Variants in EDA observed in about 807,000 individuals in gnomAD.
EDA encodes ectodysplasin A.
Under a neutral mutation model 23.6 loss-of-function variants are expected in EDA, and 2 were observed. The ratio of observed to expected loss-of-function variants is 0.08; its 90% CI spans 0.03 to 0.27. The LOEUF is 0.27. EDA is among the 10% of genes least tolerant of loss of function. The probability of loss-of-function intolerance (pLI) is 1.00; values close to 1 mark genes in which losing one functional copy is unlikely to be tolerated. For synonymous variants in EDA, 131 were observed against 132.0 expected (o/e 0.99, Z 0.05); for missense variants, 229 against 324.2 (o/e 0.71, Z 2.26).
At chrX:69,714,918 CA>C (rs1039634598) in intron 1 of EDA, among the ~76,000 whole-genome samples, 13 of 110,507 alleles carry the variant, frequency 1.2e-4, no homozygotes, top group African/African-American at 3.9e-4. Flanking sequence ...CCTATGTCTA[CA>C]AAAATCCTTG....
intron 1 of EDA, among the ~76,000 whole-genome samples, chrX:69,893,455 A>T (rs766090668): frequency 3.3e-4 from 37 of 112,081 alleles, no homozygotes; most frequent in South Asian, 7.4e-4. Flanking sequence ...TGAATCCAAG[A>T]CAGGTTTAGT....
chrX:69,723,193 C>A (rs1421913603), intron 1 of EDA, among the ~76,000 whole-genome samples: 1 of 111,973 alleles, frequency 8.9e-6, no homozygotes, highest in Non-Finnish European at 1.9e-5. Context: ...GGTCCTCTTA[C>A]TGAGTAGTAA....
intron 2 of EDA, among the ~76,000 whole-genome samples, chrX:69,977,217 T>A (rs1458574274): frequency 8.9e-6 from 1 of 112,223 alleles, no homozygotes; most frequent in Non-Finnish European, 1.9e-5. Context: ...AGACTTGAAC[T>A]AGGCATTCCA....
chrX:69,755,906 G>T (rs150227775), intron 1 of EDA, among the ~76,000 whole-genome samples: 1,738 of 112,640 alleles, frequency 0.015, 31 homozygotes, highest in African/African-American at 0.054. Flanking sequence ...TGCTAAGGCT[G>T]TTGGAAAAGC....
chrX:69,750,024 T>C (rs1023419474), intron 1 of EDA, among the ~76,000 whole-genome samples: 11 of 106,512 alleles, frequency 1.0e-4, no homozygotes, highest in African/African-American at 3.8e-4. Flanking sequence ...TTTTTCTTTT[T>C]TTTATGATTA....
chrX:69,630,792 G>A (rs371943459), intron 1 of EDA, among the ~76,000 whole-genome samples: 1 of 111,383 alleles, frequency 9.0e-6, no homozygotes, highest in Non-Finnish European at 1.9e-5. Flanking sequence ...TTTTCAAATC[G>A]TGCTTTTATG....
chrX:70,006,824 C>T, intron 2 of EDA, among the ~76,000 whole-genome samples: 1 of 110,674 alleles, frequency 9.0e-6, no homozygotes. Flanking sequence ...TTTTGGTGTT[C>T]TATCTAAAAA....
chrX:69,753,839 TG>T, intron 1 of EDA, among the ~76,000 whole-genome samples: 2 of 111,369 alleles, frequency 1.8e-5, no homozygotes, highest in Middle Eastern at 9.3e-3. Context: ...TAGCCTTCTT[TG>T]TCTTTTTTCA....
intron 2 of EDA, among the ~76,000 whole-genome samples, chrX:69,981,182 G>T (rs781404770): frequency 9.9e-5 from 11 of 111,375 alleles, no homozygotes; most frequent in African/African-American, 3.6e-4. Flanking sequence ...TCTCTTTACC[G>T]CTAGATCCTT....
intron 1 of EDA, among the ~76,000 whole-genome samples, chrX:69,874,418 A>G (rs1340584250): frequency 8.9e-6 from 1 of 112,608 alleles, no homozygotes; most frequent in Non-Finnish European, 1.9e-5. Context: ...ATAGATGCAG[A>G]AAAAGCATTT....
intron 1 of EDA, among the ~76,000 whole-genome samples, chrX:69,681,744 C>G (rs1181267922): frequency 3.6e-5 from 4 of 110,558 alleles, no homozygotes; most frequent in African/African-American, 1.3e-4. Context: ...TCAAAGTTTT[C>G]AACTTCTTTG....
At chrX:69,991,719 C>T (rs769009230) in intron 2 of EDA, among the ~76,000 whole-genome samples, 145 of 111,601 alleles carry the variant, frequency 1.3e-3, no homozygotes, top group African/African-American at 4.6e-3. Flanking sequence ...ATCTCCTAGC[C>T]GGAGATCATT....
At chrX:69,865,007 C>A (rs1158307758) in intron 1 of EDA, among the ~76,000 whole-genome samples, 1 of 110,109 alleles carries the variant, frequency 9.1e-6, no homozygotes. Flanking sequence ...AAACATGATA[C>A]AGGATATGAA....
chrX:69,865,198 A>G (rs918649511), intron 1 of EDA, among the ~76,000 whole-genome samples: 4 of 110,733 alleles, frequency 3.6e-5, no homozygotes, highest in Non-Finnish European at 3.8e-5. Flanking sequence ...CATCAAAGAC[A>G]AAGAAAAAAG....
intron 1 of EDA, among the ~76,000 whole-genome samples, chrX:69,710,753 A>G (rs1418829261): frequency 1.8e-5 from 2 of 111,380 alleles, no homozygotes; most frequent in African/African-American, 3.3e-5. Context: ...CTTTGAAGCA[A>G]TTGTGAATGG....
chrX:69,924,530 G>A (rs955186210), intron 1 of EDA, among the ~76,000 whole-genome samples: 14 of 111,411 alleles, frequency 1.3e-4, no homozygotes, highest in Admixed American at 3.8e-4. Flanking sequence ...TACCAGTACC[G>A]TGCTGTTTTG....
At chrX:69,934,214 A>G (rs1383560098) in intron 1 of EDA, among the ~76,000 whole-genome samples, 2 of 112,142 alleles carry the variant, frequency 1.8e-5, no homozygotes. Flanking sequence ...ATTAATGCCC[A>G]CATTAGTTAC....
intron 1 of EDA, among the ~76,000 whole-genome samples, chrX:69,883,494 G>A (rs1016104820): frequency 6.3e-5 from 7 of 111,616 alleles, no homozygotes; most frequent in Admixed American, 2.8e-4. Flanking sequence ...GATTGACCAC[G>A]TGGGCAACAG....
intron 1 of EDA, among the ~76,000 whole-genome samples, chrX:69,654,461 G>C (rs1370612967): frequency 9.0e-6 from 1 of 111,597 alleles, no homozygotes; most frequent in African/African-American, 3.3e-5. Context: ...ATACCCAAAG[G>C]ATTATAAATC....
Sources: gnomAD v4.1 joint callset for allele counts (sites outside exome capture counted in the v4.1 genomes callset) on GRCh38, gnomAD v4.1.1 for gene constraint, MANE v1.5 for transcripts, NCBI Gene and HGNC (gene_info 2026-07-23, HGNC 2026-07-21) for gene names.